Variants in RBFOX1 observed in about 807,000 individuals in gnomAD.
RBFOX1 encodes RNA binding protein fox-1 homolog 1.
In RBFOX1, 8 loss-of-function variants were observed where a neutral mutation model predicts 57.7. That is an observed-to-expected ratio of 0.14 (90% CI 0.08 to 0.25). The LOEUF (loss-of-function observed/expected upper bound fraction) is 0.25, where lower values mean the gene tolerates loss of function less well. Ranked by LOEUF, RBFOX1 falls within the 10% of genes least tolerant of loss-of-function variation. The pLI is 1.00. For missense variants in RBFOX1, 611 were observed against 548.5 expected, an observed-to-expected ratio of 1.11 and a Z score of -1.14; for synonymous variants, 326 against 222.4, an observed-to-expected ratio of 1.47 and a Z score of -4.15.
intron 1 of RBFOX1, among the ~76,000 whole-genome samples, chr16:6,181,927 A>C (rs2097066411): frequency 5.9e-5 from 1 of 16,960 alleles, no homozygotes; most frequent in African/African-American, 9.2e-5. Context: ...GTTTCCATCG[A>C]TGGGGATGCC....
At chr16:6,954,282 G>A (rs906983329) in intron 3 of RBFOX1, among the ~76,000 whole-genome samples, 19 of 152,058 alleles carry the variant, frequency 1.2e-4, no homozygotes, top group Admixed American at 3.9e-4. Flanking sequence ...TGGTCATCTC[G>A]CCAATTTTGA....
chr16:5,618,462 C>G (rs956527237), intron 3 of RBFOX1, among the ~76,000 whole-genome samples: 1 of 152,086 alleles, frequency 6.6e-6, no homozygotes, highest in African/African-American at 2.4e-5. Context: ...CTCAGCCTCC[C>G]AAGTAGCTGG....
chr16:5,937,544 A>G (rs972833612), intron 4 of RBFOX1, among the ~76,000 whole-genome samples: 8 of 151,836 alleles, frequency 5.3e-5, no homozygotes, highest in South Asian at 2.1e-4. Context: ...TTACATATTT[A>G]TATATAACTG....
chr16:6,960,492 A>G (rs1447957009), intron 3 of RBFOX1, among the ~76,000 whole-genome samples: 1 of 152,122 alleles, frequency 6.6e-6, no homozygotes, highest in Non-Finnish European at 1.5e-5. Context: ...GGCCACGAGA[A>G]TAAGCAGCCT....
chr16:5,449,377 G>A (rs2068351679), intron 1 of RBFOX1, among the ~76,000 whole-genome samples: 1 of 152,142 alleles, frequency 6.6e-6, no homozygotes, highest in Admixed American at 6.5e-5. Context: ...TCTCAGAATT[G>A]TGCTTCTTTC....
chr16:6,956,796 T>C (rs2081942425), intron 3 of RBFOX1, among the ~76,000 whole-genome samples: 1 of 152,164 alleles, frequency 6.6e-6, no homozygotes, highest in African/African-American at 2.4e-5. Flanking sequence ...GTATCTCATG[T>C]GGTTGCAGAC....
At chr16:6,999,599 C>T (rs1269705192) in intron 3 of RBFOX1, among the ~76,000 whole-genome samples, 1 of 151,972 alleles carries the variant, frequency 6.6e-6, no homozygotes, top group African/African-American at 2.4e-5. Flanking sequence ...CAGATTTCAA[C>T]AACTACCAAT....
intron 1 of RBFOX1, among the ~76,000 whole-genome samples, chr16:6,297,980 C>A (rs1480306993): frequency 6.6e-6 from 1 of 152,214 alleles, no homozygotes; most frequent in African/African-American, 2.4e-5. Context: ...TGACCCAGTT[C>A]TTTCGGGGTG....
At chr16:6,759,149 C>T (rs200443949) in intron 3 of RBFOX1, among the ~76,000 whole-genome samples, 26 of 147,284 alleles carry the variant, frequency 1.8e-4, no homozygotes, top group African/African-American at 6.0e-4. Context: ...CTTATCAATT[C>T]TTTTTTTTTT....
At chr16:7,499,390 C>G (rs1472845515) in intron 4 of RBFOX1, among the ~76,000 whole-genome samples, 1 of 152,150 alleles carries the variant, frequency 6.6e-6, no homozygotes, top group African/African-American at 2.4e-5. Context: ...CTCATCTTAA[C>G]TAATTACATC....
At chr16:5,915,961 C>T (rs1483812249) in intron 4 of RBFOX1, among the ~76,000 whole-genome samples, 1 of 152,198 alleles carries the variant, frequency 6.6e-6, no homozygotes, top group Non-Finnish European at 1.5e-5. Context: ...GTGCACTGCC[C>T]TATGAACTTC....
At chr16:5,986,078 T>G (rs1160653070) in intron 4 of RBFOX1, among the ~76,000 whole-genome samples, 1 of 150,718 alleles carries the variant, frequency 6.6e-6, no homozygotes, top group Non-Finnish European at 1.5e-5. Flanking sequence ...TTTTTTGTTT[T>G]CCAGACAGGG....
intron 2 of RBFOX1, among the ~76,000 whole-genome samples, chr16:6,484,302 A>G (rs1451768683): frequency 6.6e-6 from 1 of 152,132 alleles, no homozygotes; most frequent in Non-Finnish European, 1.5e-5. Flanking sequence ...TGTGTGTGCA[A>G]ATGTGAGCAT....
At chr16:6,810,106 T>G (rs564981429) in intron 3 of RBFOX1, among the ~76,000 whole-genome samples, 2 of 152,090 alleles carry the variant, frequency 1.3e-5, no homozygotes, top group Non-Finnish European at 2.9e-5. Context: ...TATCTATCTT[T>G]TCTTGTCAAC....
intron 3 of RBFOX1, among the ~76,000 whole-genome samples, chr16:6,667,548 G>T (rs1188723020): frequency 1.3e-5 from 2 of 152,008 alleles, no homozygotes; most frequent in Non-Finnish European, 2.9e-5. Flanking sequence ...TTACACTGAG[G>T]GTACTTATCA....
intron 4 of RBFOX1, among the ~76,000 whole-genome samples, chr16:7,440,300 G>C (rs1415331980): frequency 1.3e-5 from 2 of 152,156 alleles, no homozygotes; most frequent in Non-Finnish European, 2.9e-5. Flanking sequence ...TTAGGGTGGA[G>C]CCAGGTAGGT....
intron 3 of RBFOX1, among the ~76,000 whole-genome samples, chr16:6,745,123 C>T (rs2073264951): frequency 6.6e-6 from 1 of 151,990 alleles, no homozygotes; most frequent in Non-Finnish European, 1.5e-5. Flanking sequence ...TAAGAAAGCT[C>T]ACTAAAGAAG....
intron 3 of RBFOX1, among the ~76,000 whole-genome samples, chr16:6,945,300 A>G (rs1763686109): frequency 6.6e-6 from 1 of 152,114 alleles, no homozygotes; most frequent in African/African-American, 2.4e-5. Flanking sequence ...GAATGTGTAC[A>G]CTAGGGGTCT....
At chr16:6,104,505 C>G (rs1014506515) in intron 1 of RBFOX1, among the ~76,000 whole-genome samples, 1 of 152,138 alleles carries the variant, frequency 6.6e-6, no homozygotes, top group Non-Finnish European at 1.5e-5. Context: ...AATTTACAGT[C>G]TAATTTTAGA....
Sources: allele counts gnomAD v4.1 joint callset (sites outside exome capture counted in the v4.1 genomes callset), GRCh38; gene constraint gnomAD v4.1.1; transcripts MANE v1.5; gene names NCBI Gene and HGNC (gene_info 2026-07-23, HGNC 2026-07-21).